The following VWC2L variants were observed in gnomAD, a reference collection of about 807,000 sequenced individuals.
VWC2L encodes von Willebrand factor C domain containing 2 like, also known as von Willebrand factor C domain-containing protein 2-like.
Under a neutral mutation model 21.6 loss-of-function variants are expected in VWC2L, and 10 were observed. The ratio of observed to expected loss-of-function variants is 0.46; its 90% CI spans 0.29 to 0.78. VWC2L has a LOEUF of 0.78. Ranked by LOEUF, VWC2L falls within the 30% of genes least tolerant of loss-of-function variation. VWC2L has a pLI of 0.10. For missense variants in VWC2L, 209 were observed against 277.1 expected, an observed-to-expected ratio of 0.75 and a Z score of 1.74; for synonymous variants, 96 against 94.3, an observed-to-expected ratio of 1.02 and a Z score of -0.10.
chr2:214,523,703 G>T (rs1689281218), intron 3 of VWC2L, among the ~76,000 whole-genome samples: 1 of 152,074 alleles, frequency 6.6e-6, no homozygotes, highest in Non-Finnish European at 1.5e-5. Flanking sequence ...ACTGGTTGTG[G>T]TGGTGCACCA....
chr2:214,462,348 G>C (rs925664217), intron 3 of VWC2L, among the ~76,000 whole-genome samples: 4 of 152,204 alleles, frequency 2.6e-5, no homozygotes, highest in African/African-American at 9.7e-5. Flanking sequence ...AGTGTCTCCA[G>C]GCTTCTAGCC....
chr2:214,525,815 TA>T (rs1344944054), intron 3 of VWC2L, among the ~76,000 whole-genome samples: 1 of 152,202 alleles, frequency 6.6e-6, no homozygotes, highest in Non-Finnish European at 1.5e-5. Context: ...GCTTTTTAGT[TA>T]AACCTTTGGC....
intron 3 of VWC2L, among the ~76,000 whole-genome samples, chr2:214,491,241 T>A (rs901334674): frequency 1.3e-5 from 2 of 152,164 alleles, no homozygotes; most frequent in South Asian, 2.1e-4. Context: ...GTTAGGGGGA[T>A]GTTTTAATTT....
intron 3 of VWC2L, among the ~76,000 whole-genome samples, chr2:214,464,338 G>T (rs1703185432): frequency 6.6e-6 from 1 of 152,144 alleles, no homozygotes; most frequent in Non-Finnish European, 1.5e-5. Flanking sequence ...GGTTACTACA[G>T]CTGTATTTGC....
chr2:214,566,200 C>G (rs779765016), intron 3 of VWC2L, among the ~76,000 whole-genome samples: 2 of 152,076 alleles, frequency 1.3e-5, no homozygotes, highest in Non-Finnish European at 2.9e-5. Flanking sequence ...GCAAATCAAA[C>G]CATTTTCTGA....
intron 3 of VWC2L, among the ~76,000 whole-genome samples, chr2:214,568,985 C>T (rs559390716): frequency 6.6e-6 from 1 of 152,218 alleles, no homozygotes; most frequent in South Asian, 2.1e-4. Context: ...TCAAACTGCA[C>T]ATTTTTTCTA....
intron 3 of VWC2L, among the ~76,000 whole-genome samples, chr2:214,526,713 A>G (rs1021055664): frequency 6.6e-6 from 1 of 152,204 alleles, no homozygotes; most frequent in African/African-American, 2.4e-5. Flanking sequence ...GCCCTTGCTT[A>G]TAACTCTCTG....
chr2:214,511,295 A>G (rs1689048683), intron 3 of VWC2L, among the ~76,000 whole-genome samples: 2 of 152,152 alleles, frequency 1.3e-5, no homozygotes, highest in Non-Finnish European at 2.9e-5. Context: ...TAAAGTGACC[A>G]AAAAATGAAA....
chr2:214,535,454 T>A (rs1689510791), intron 3 of VWC2L, among the ~76,000 whole-genome samples: 1 of 151,636 alleles, frequency 6.6e-6, no homozygotes, highest in Non-Finnish European at 1.5e-5. Flanking sequence ...AGTCAAAAAG[T>A]TCTTATATCC....
In VWC2L at chr2:214,578,113, A is replaced by G. The variant is rs997853474; in HGVS notation, c.*2293A>G. 1.3e-5 allele frequency: 2 copies of G among 152,208 alleles called. No homozygotes were observed. The highest frequency in any genetic ancestry group is 4.8e-5 in the African/African-American group (2 of 41,460). The allele number at this position is 152,208 out of a possible 1,614,324, so 9.4% of individuals were successfully genotyped here. ...AGGTTGCCTGTTGCCAACTTCAAAAATCCACACTCTTGGAAAGAAATAATA... is the reference window on the plus strand; with the variant it reads ...AGGTTGCCTGTTGCCAACTTCAAAAGTCCACACTCTTGGAAAGAAATAATA... On this transcript the variant is annotated 3_prime_UTR_variant, in exon 4 of 4. Coordinates refer to ENST00000312504, the MANE Select transcript of VWC2L (RefSeq NM_001080500.4).
At chr2:214,459,777 A>G (rs1243082548) in intron 3 of VWC2L, among the ~76,000 whole-genome samples, 6 of 151,992 alleles carry the variant, frequency 3.9e-5, no homozygotes, top group African/African-American at 1.4e-4. Context: ...CATTCTGAAT[A>G]TACGATCCTA....
intron 3 of VWC2L, among the ~76,000 whole-genome samples, chr2:214,550,988 T>A (rs950670049): frequency 1.3e-5 from 2 of 152,190 alleles, no homozygotes; most frequent in African/African-American, 4.8e-5. Flanking sequence ...TTATGAACCC[T>A]ATGACTCAGC....
intron 3 of VWC2L, among the ~76,000 whole-genome samples, chr2:214,447,947 T>A (rs1428823674): frequency 6.6e-6 from 1 of 151,902 alleles, no homozygotes; most frequent in African/African-American, 2.4e-5. Flanking sequence ...CATGATGCCC[T>A]TTTTCCCTGC....
chr2:214,430,536 AT>A (rs977900038), intron 2 of VWC2L, among the ~76,000 whole-genome samples: 7 of 151,760 alleles, frequency 4.6e-5, no homozygotes, highest in South Asian at 2.1e-4. Flanking sequence ...AATATGCTGA[AT>A]TTTTTTTTAA....
chr2:214,546,403 T>C (rs1689707278), intron 3 of VWC2L, among the ~76,000 whole-genome samples: 1 of 152,166 alleles, frequency 6.6e-6, no homozygotes, highest in Non-Finnish European at 1.5e-5. Context: ...AATGCTAATG[T>C]TTTCCTTCCC....
chr2:214,556,254 C>T (rs998717296), intron 3 of VWC2L, among the ~76,000 whole-genome samples: 1 of 152,054 alleles, frequency 6.6e-6, no homozygotes, highest in African/African-American at 2.4e-5. Flanking sequence ...AGCAAGACTC[C>T]ATCTCAAAAA....
intron 3 of VWC2L, among the ~76,000 whole-genome samples, chr2:214,524,942 T>TC (rs1206638489): frequency 6.6e-6 from 1 of 151,176 alleles, no homozygotes; most frequent in Non-Finnish European, 1.5e-5. Context: ...CTTTTTTTTT[T>TC]TTCTTGTTTT....
intron 3 of VWC2L, among the ~76,000 whole-genome samples, chr2:214,504,126 C>CA (rs1688934698): frequency 6.6e-6 from 1 of 152,244 alleles, no homozygotes; most frequent in African/African-American, 2.4e-5. Context: ...AAGTACTAAA[C>CA]AAAAATCAAA....
intron 3 of VWC2L, among the ~76,000 whole-genome samples, chr2:214,559,141 GA>G (rs1374817256): frequency 6.7e-6 from 1 of 150,174 alleles, no homozygotes; most frequent in Non-Finnish European, 1.5e-5. Context: ...AAATTTACAA[GA>G]AAAAAACAAA....
Sources: gnomAD v4.1 joint callset for allele counts (sites outside exome capture counted in the v4.1 genomes callset) on GRCh38, gnomAD v4.1.1 for gene constraint, MANE v1.5 for transcripts, NCBI Gene and HGNC (gene_info 2026-07-23, HGNC 2026-07-21) for gene names.